The following ZNF699 variants were observed in gnomAD, a reference collection of about 807,000 sequenced individuals.
ZNF699 encodes the protein zinc finger protein 699.
ZNF699 carries 18 observed loss-of-function variants against 22.5 expected under a neutral mutation model. The observed-to-expected ratio is 0.80, with a 90% CI of 0.55 to 1.19. The LOEUF (loss-of-function observed/expected upper bound fraction) is 1.19. Among genes scored for constraint, ZNF699 ranks in the 50% most tolerant of loss-of-function variants. ZNF699 has a pLI of 0.00. For synonymous variants in ZNF699, 241 were observed against 262.3 expected, an observed-to-expected ratio of 0.92 and a Z score of 0.78; for missense variants, 670 against 763.4, an observed-to-expected ratio of 0.88 and a Z score of 1.44.
intron 5 of ZNF699, 30 bp from the exon 6 acceptor site, chr19:9,296,963 A>T (rs1163724299): frequency 1.3e-6 from 2 of 1,483,888 alleles, no homozygotes; most frequent in Non-Finnish European, 9.0e-7. Context: ...CATTATTAGT[A>T]ATAAATTTCT....
rs2066293224 is a variant in ZNF699, at chr19:9,297,960, G to A, written c.206C>T (p.Ser69Phe). The A allele has an allele frequency of 1.2e-6, 2 of 1,613,322 alleles. No individual in the cohort carries two copies. The highest frequency in any genetic ancestry group is 1.7e-6 in the Non-Finnish European group (2 of 1,179,892). ...CAGGTCCTCCTCTTGTTCCCACTGGGAGATCAGATGGGGTGTGTGTAGCGG... is the reference window on the plus strand; with the variant it reads ...CAGGTCCTCCTCTTGTTCCCACTGGAAGATCAGATGGGGTGTGTGTAGCGG... ...GYPLHTPHLISQWEQEEDLQT... is the reference protein window; with the variant it reads ...GYPLHTPHLIFQWEQEEDLQT... The change falls in exon 4 of 6, where the codon TCC (serine) becomes TTC (phenylalanine). Residue 69 changes from serine to phenylalanine, a missense_variant. Ser to Phe is a radical substitution (Grantham distance 155). Transcript: ENST00000591998. The surrounding 1 kb of genome is among the most constrained non-coding windows in gnomAD (Gnocchi z 4.3).
rs2066339889 is a variant in ZNF699, at chr19:9,309,597, C to T, written c.-253G>A. The T allele has an allele frequency of 6.6e-6, 1 of 152,440 alleles. No individual in the cohort carries two copies. The highest frequency in any genetic ancestry group is 1.5e-5 in the Non-Finnish European group (1 of 68,218). The allele number at this position is 152,440 out of a possible 1,614,324, so 9.4% of individuals were successfully genotyped here. A position where few individuals can be genotyped will look rare whatever the true frequency, so the allele number is the denominator to read the frequency against. On this transcript the variant is annotated 5_prime_UTR_variant, in exon 1 of 6. Transcript: ENST00000591998. ...GCCGCGGCCACAGGGGCAGCTGACCCGGGCTCTCTGAGGAGGCGCCGCGGC... is the reference window on the plus strand; with the variant it reads ...GCCGCGGCCACAGGGGCAGCTGACCTGGGCTCTCTGAGGAGGCGCCGCGGC...
intron 2 of ZNF699, among the ~76,000 whole-genome samples, chr19:9,303,730 G>A (rs933101399): frequency 1.3e-5 from 2 of 152,074 alleles, no homozygotes; most frequent in African/African-American, 2.4e-5. Flanking sequence ...ACCATCTCAT[G>A]AGCACACAAA....
At chr19:9,298,036 C>G (rs780620942) in intron 3 of ZNF699, 46 bp from the exon 4 acceptor site, 7 of 1,288,074 alleles carry the variant, frequency 5.4e-6, no homozygotes, top group Non-Finnish European at 7.8e-6. Context: ...AATGAAGAAT[C>G]ACTAACATTT....
intron 2 of ZNF699, among the ~76,000 whole-genome samples, chr19:9,304,420 G>A (rs1291756008): frequency 2.0e-5 from 3 of 151,342 alleles, no homozygotes; most frequent in Admixed American, 2.0e-4. Context: ...AGAGGCCCAG[G>A]AGACTGCATA....
intron 1 of ZNF699, among the ~76,000 whole-genome samples, chr19:9,307,327 A>C (rs978076817): frequency 6.6e-6 from 1 of 152,206 alleles, no homozygotes; most frequent in African/African-American, 2.4e-5. Context: ...TATTTAGGTG[A>C]CATTTATCCT....
chr19:9,299,445 AT>A lies in ZNF699; in HGVS notation c.176-1456del, dbSNP rs1261146786. ...CACCATGCCTGGCCTGACATTTTTA[AT>A]TTTTTTTTTAAGAGACAGGGTCTCA... On this transcript the variant is annotated intron_variant, in intron 3 of 5. Coordinates refer to ENST00000591998, the MANE Select transcript of ZNF699 (RefSeq NM_198535.3). 7.4e-4 allele frequency among the ~76,000 whole-genome samples: 111 copies of A among 149,878 alleles called. 1 individual carries two copies. The East Asian group carries it at 0.021, about 28-fold the overall frequency.
chr19:9,295,328 C>T lies in ZNF699; in HGVS notation c.*147G>A. On this transcript the variant is annotated 3_prime_UTR_variant, in exon 6 of 6. Coordinates refer to ENST00000591998, the MANE Select transcript of ZNF699 (RefSeq NM_198535.3). ...GGCTTTAGCACATGACTTACATACA[C>T]AGGGTTTCTCTAAAGTGTCCTCAAA... 1 of 1,006,140 alleles carries T rather than the reference C, an allele frequency of 9.9e-7. No homozygotes were observed. The allele number at this position is 1,006,140 out of a possible 1,614,324, so 62.3% of individuals were successfully genotyped here.
rs2066273581 is a variant in ZNF699, at chr19:9,293,460, T to G, written c.*2015A>C. Among the ~76,000 whole-genome samples, 1 of 152,266 alleles carries G rather than the reference T, an allele frequency of 6.6e-6. No homozygotes were observed. The highest frequency in any genetic ancestry group is 1.5e-5 in the Non-Finnish European group (1 of 68,014). On this transcript the variant is annotated 3_prime_UTR_variant, in exon 6 of 6. Coordinates refer to ENST00000591998, the MANE Select transcript of ZNF699 (RefSeq NM_198535.3). ...AGCATATAGCACATACCAAGATAAA[T>G]AAGCCCATACATCTATCAAAAGAAC...
intron 1 of ZNF699, among the ~76,000 whole-genome samples, chr19:9,307,009 T>C (rs1281299201): frequency 6.6e-6 from 1 of 152,184 alleles, no homozygotes; most frequent in East Asian, 1.9e-4. Flanking sequence ...AAGACCAGCC[T>C]GGCCAAAATG....
rs2066274193 is a variant in ZNF699 at position 9,293,643 on chromosome 19, C to T, written c.*1832G>A. On this transcript the variant is annotated 3_prime_UTR_variant, in exon 6 of 6. Coordinates refer to ENST00000591998, the MANE Select transcript of ZNF699 (RefSeq NM_198535.3). ...TGGTTGCCCTGTGGAGTAATTATCA[C>T]TGAGAAAGAGGATGAAGGAACTTCC... Among the ~76,000 whole-genome samples the T allele has an allele frequency of 6.6e-6, 1 of 152,076 alleles. No individual in the cohort carries two copies. The highest frequency in any genetic ancestry group is 2.1e-4 in the South Asian group (1 of 4,830).
chr19:9,307,831 G>A (rs114693083), intron 1 of ZNF699, among the ~76,000 whole-genome samples: 8 of 151,532 alleles, frequency 5.3e-5, no homozygotes, highest in Non-Finnish European at 7.4e-5. Context: ...GCCTGTAATC[G>A]CCACTACTTG....
In ZNF699 at chr19:9,297,293, C is replaced by T; in HGVS notation, c.470+3G>A. The T allele has an allele frequency of 6.3e-7, 1 of 1,577,858 alleles. No individual in the cohort carries two copies. ...CTTTCTCTTTCTCACGAATGGCACTCACCTCAAATGTCTCTCATGGCTTTT... is the reference window on the plus strand; with the variant it reads ...CTTTCTCTTTCTCACGAATGGCACTTACCTCAAATGTCTCTCATGGCTTTT... On this transcript the variant is annotated splice_donor_region_variant and intron_variant, in intron 5 of 5. Transcript: ENST00000591998. This position sits in a 1 kb window ranked among gnomAD's most constrained non-coding sequence, Gnocchi z 4.3.
rs2066277882 is a variant in ZNF699, at chr19:9,294,557, A to G, written c.*918T>C. Reference sequence around the variant, plus strand: ...TCTCTGTCTGATGGCCCCACTAAACATAGCATAACAGCTTTTTCTTCCCTT... The same window carrying G: ...TCTCTGTCTGATGGCCCCACTAAACGTAGCATAACAGCTTTTTCTTCCCTT... On this transcript the variant is annotated 3_prime_UTR_variant, in exon 6 of 6. Transcript: ENST00000591998. 6.6e-6 allele frequency: 1 copy of G among 152,232 alleles called. No individual in the cohort carries two copies. Among genetic ancestry groups the G allele is most frequent in the African/African-American group, 2.4e-5 (1 of 41,466 alleles). The allele number at this position is 152,232 out of a possible 1,614,324, so 9.4% of individuals were successfully genotyped here.
At position 9,292,822 on chromosome 19, in the gene ZNF699, ATTT is replaced by A. The variant is rs201685861; in HGVS notation, c.*2650_*2652del. Among the ~76,000 whole-genome samples the A allele has an allele frequency of 6.8e-6, 1 of 147,824 alleles. No individual in the cohort carries two copies. ...CAAGTAACCAGAAGGAAACCTTTCA[ATTT>A]TTTTTTTTTTTTAAAAAGGAACCAT... On this transcript the variant is annotated 3_prime_UTR_variant, in exon 6 of 6. Transcript: ENST00000591998.
chr19:9,295,993 C>T lies in ZNF699; in HGVS notation c.1411G>A (p.Gly471Arg), dbSNP rs570358710. 195 of 1,614,058 alleles carry T rather than the reference C, an allele frequency of 1.2e-4. 3 individuals are homozygous for T. In the South Asian group the frequency reaches 2.1e-3, roughly 17 times the overall value. Residue 471 changes from glycine to arginine, a missense_variant, in exon 6 of 6, where the codon GGA becomes AGA. Transcript: ENST00000591998. ...SFRAHVRDHTGKIQYECKECG... is the reference protein window; with the variant it reads ...SFRAHVRDHTRKIQYECKECG... ...TCCTTACATTCATACTGTATCTTTC[C>T]AGTGTGATCTCTCACATGTGCTCTA...
At chr19:9,301,632 A>G (rs2066307519) in intron 3 of ZNF699, among the ~76,000 whole-genome samples, 3 of 152,212 alleles carry the variant, frequency 2.0e-5, no homozygotes, top group African/African-American at 7.2e-5. Flanking sequence ...TTCTAACACC[A>G]TCTTACTAGG....
Position 9,295,571 on chromosome 19 carries a change from T to C in ZNF699, c.1833A>G (p.Gly611=), listed in dbSNP as rs2066281310. The C allele has an allele frequency of 6.2e-7, 1 of 1,614,078 alleles. No individual in the cohort carries two copies. Among genetic ancestry groups the C allele is most frequent in the East Asian group, 2.2e-5 (1 of 44,880 alleles). Residue 611 remains glycine (G), a synonymous_variant, in exon 6 of 6, where the codon GGA becomes GGG. Coordinates refer to ENST00000591998, the MANE Select transcript of ZNF699 (RefSeq NM_198535.3). ...SFRRHVRSHT[G]EKPYECKECG... ...ATTCCTTACATTCATAGGGTTTCTCTCCAGTGTGGCTTCTCACATGCCTTC... is the reference window on the plus strand; with the variant it reads ...ATTCCTTACATTCATAGGGTTTCTCCCCAGTGTGGCTTCTCACATGCCTTC...
In ZNF699 at chr19:9,291,760, G is replaced by C. The variant is rs1046281217; in HGVS notation, c.*3715C>G. ...GTCTCATTCTGTTGCCCAGGCTGGA[G>C]TGCACTGGCACAATCTTGGCTACCT... is the stretch of plus-strand genomic sequence containing the variant. On this transcript the variant is annotated 3_prime_UTR_variant, in exon 6 of 6. Coordinates refer to ENST00000591998, the MANE Select transcript of ZNF699 (RefSeq NM_198535.3). 6.8e-6 allele frequency: 1 copy of C among 147,744 alleles called. No homozygotes were observed. The highest frequency in any genetic ancestry group is 2.5e-5 in the African/African-American group (1 of 39,278). The allele number at this position is 147,744 out of a possible 1,614,324, so 9.2% of individuals were successfully genotyped here. A position where few individuals can be genotyped will look rare whatever the true frequency, so the allele number is the denominator to read the frequency against.
Sources: allele counts gnomAD v4.1 joint callset (sites outside exome capture counted in the v4.1 genomes callset), GRCh38; gene constraint gnomAD v4.1.1; non-coding constraint Gnocchi (gnomAD v3.1); transcripts MANE v1.5; gene names NCBI Gene and HGNC (gene_info 2026-07-23, HGNC 2026-07-21).